Variants in MAJIN observed in about 807,000 individuals in gnomAD.
MAJIN encodes the protein membrane anchored junction protein, also known as membrane-anchored junction protein.
A neutral mutation model predicts 30.2 loss-of-function variants in MAJIN; 27 were observed. The observed-to-expected ratio is 0.89, with a 90% CI of 0.66 to 1.23. The LOEUF is 1.23. Ranked by LOEUF, MAJIN falls within the 50% of genes most tolerant of loss-of-function variation. MAJIN has a pLI of 0.00. For missense variants in MAJIN, 253 were observed against 260.3 expected (o/e 0.97, Z 0.19); for synonymous variants, 78 against 91.6 (o/e 0.85, Z 0.85).
chr11:64,967,603 A>G (rs1945832183), intron 1 of MAJIN, among the ~76,000 whole-genome samples: 1 of 152,152 alleles, frequency 6.6e-6, no homozygotes, highest in African/African-American at 2.4e-5. Flanking sequence ...CAGGTACAAG[A>G]GTACTCAGTT....
At chr11:64,968,362 C>T (rs970775700) in intron 1 of MAJIN, among the ~76,000 whole-genome samples, 1 of 152,034 alleles carries the variant, frequency 6.6e-6, no homozygotes, top group Non-Finnish European at 1.5e-5. Flanking sequence ...CCTCAACCTC[C>T]CAGGCTCAAG....
intron 6 of MAJIN, 39 bp from the exon 7 acceptor site, chr11:64,947,858 C>G (rs1202527079): frequency 9.6e-7 from 1 of 1,038,558 alleles, no homozygotes; most frequent in Non-Finnish European, 1.3e-6. Flanking sequence ...AGATTTAAGA[C>G]TTTTTTTTTT....
intron 1 of MAJIN, among the ~76,000 whole-genome samples, chr11:64,971,008 G>C (rs532111594): frequency 7.2e-4 from 110 of 152,272 alleles, no homozygotes; most frequent in Admixed American, 1.5e-3. Context: ...AAGAAGGTGG[G>C]GTGTGGCCGG....
intron 1 of MAJIN, among the ~76,000 whole-genome samples, chr11:64,967,099 G>A (rs896427740): frequency 4.0e-5 from 6 of 151,028 alleles, no homozygotes; most frequent in African/African-American, 7.3e-5. Flanking sequence ...GTGAGCCCTC[G>A]TCTGTATCAT....
At chr11:64,969,036 C>CT (rs1381440444) in intron 1 of MAJIN, among the ~76,000 whole-genome samples, 3 of 152,272 alleles carry the variant, frequency 2.0e-5, no homozygotes, top group African/African-American at 7.2e-5. Flanking sequence ...TTGAGATATA[C>CT]TTTAGACTAA....
At chr11:64,939,814 C>A (rs376258297) in intron 9 of MAJIN, 47 bp from the exon 10 acceptor site, 11 of 1,571,194 alleles carry the variant, frequency 7.0e-6, no homozygotes, top group East Asian at 2.3e-5. Flanking sequence ...GTCCATAGGC[C>A]GTTTTCATGT....
chr11:64,971,761 CA>C (rs984727173), intron 1 of MAJIN, 115 bp downstream of exon 1: 3 of 152,466 alleles, frequency 2.0e-5, no homozygotes, highest in African/African-American at 7.2e-5. Context: ...CCTCAGGGGG[CA>C]GGGGGGACTG....
At chr11:64,939,579 TTTCTA>T in intron 10 of MAJIN, 78 bp downstream of exon 10, 5 of 1,253,850 alleles carry the variant, frequency 4.0e-6, no homozygotes, top group Non-Finnish European at 5.7e-6. Context: ...TCTGCTTTCT[TTTCTA>T]TTCTAATTTC....
intron 1 of MAJIN, among the ~76,000 whole-genome samples, chr11:64,962,911 G>A (rs1184801247): frequency 5.9e-5 from 9 of 152,070 alleles, no homozygotes; most frequent in African/African-American, 2.2e-4. Flanking sequence ...CAGACCACCC[G>A]AGGTCAGGAG....
chr11:64,969,690 C>T (rs989101389), intron 1 of MAJIN, among the ~76,000 whole-genome samples: 1 of 151,290 alleles, frequency 6.6e-6, no homozygotes, highest in African/African-American at 2.4e-5. Flanking sequence ...GCAGGCAAGA[C>T]TCTGTCTTTT....
At chr11:64,954,473 T>C in intron 4 of MAJIN, 2 of 502,642 alleles carry the variant, frequency 4.0e-6, no homozygotes, top group East Asian at 3.8e-5. Flanking sequence ...TCTTTCTCTA[T>C]GCCAGCTGCA....
chr11:64,964,750 C>T (rs1945780707), intron 1 of MAJIN, among the ~76,000 whole-genome samples: 2 of 151,972 alleles, frequency 1.3e-5, no homozygotes, highest in African/African-American at 4.8e-5. Flanking sequence ...CCACACCTGG[C>T]TAATTTTTGT....
intron 6 of MAJIN, among the ~76,000 whole-genome samples, chr11:64,948,582 A>C (rs1468557295): frequency 8.6e-5 from 9 of 104,932 alleles, no homozygotes. Flanking sequence ...GGCATGCACC[A>C]CCACCATGTC....
intron 6 of MAJIN, among the ~76,000 whole-genome samples, chr11:64,948,623 ATATATATATATATATATTTTTTTTTTTT>A (rs1945493004): frequency 5.2e-5 from 2 of 38,378 alleles, no homozygotes; most frequent in Non-Finnish European, 7.8e-5. Flanking sequence ...ATATATATAT[ATATATATATATATATATTTTTTTTTTTT>A]TTTTTTTTTT....
At chr11:64,943,831 G>A (rs953148992) in intron 8 of MAJIN, among the ~76,000 whole-genome samples, 13 of 152,214 alleles carry the variant, frequency 8.5e-5, no homozygotes, top group Non-Finnish European at 1.8e-4. Context: ...TATCTTGGTT[G>A]TATAAAGTGT....
intron 3 of MAJIN, 134 bp from the exon 4 acceptor site, chr11:64,954,936 C>A: frequency 1.3e-6 from 1 of 779,448 alleles, no homozygotes; most frequent in East Asian, 2.6e-5. Context: ...TAAGCTGACC[C>A]AGTGCTCATG....
At chr11:64,941,432 G>GATC (rs1279175979) in intron 8 of MAJIN, among the ~76,000 whole-genome samples, 24 of 152,238 alleles carry the variant, frequency 1.6e-4, no homozygotes, top group Middle Eastern at 3.4e-3. Context: ...AAGGCAGATG[G>GATC]ATCATCCGAG....
chr11:64,947,858 CTTTTTTTTT>C (rs35160886), intron 6 of MAJIN, 39 bp from the exon 7 acceptor site: 4 of 1,216,566 alleles, frequency 3.3e-6, no homozygotes, highest in Admixed American at 4.7e-5. Flanking sequence ...AGATTTAAGA[CTTTTTTTTT>C]TTTTTTTTTG....
chr11:64,966,493 C>T (rs1945811799), intron 1 of MAJIN, among the ~76,000 whole-genome samples: 1 of 152,060 alleles, frequency 6.6e-6, no homozygotes, highest in Non-Finnish European at 1.5e-5. Context: ...CAAGATTCTA[C>T]CACTGCAATC....
Sources: allele counts gnomAD v4.1 joint callset (sites outside exome capture counted in the v4.1 genomes callset), GRCh38; gene constraint gnomAD v4.1.1; transcripts MANE v1.5; gene names NCBI Gene and HGNC (gene_info 2026-07-23, HGNC 2026-07-21).